Variants in L2HGDH observed in about 807,000 individuals in gnomAD.
The protein encoded by L2HGDH is L-2-hydroxyglutarate dehydrogenase.
Under a neutral mutation model 51.5 loss-of-function variants are expected in L2HGDH, and 34 were observed. That is an observed-to-expected ratio of 0.66 (90% CI 0.50 to 0.88). L2HGDH has a LOEUF of 0.88. L2HGDH is among the 40% of genes least tolerant of loss of function. L2HGDH has a pLI of 0.00. For synonymous variants in L2HGDH, 198 were observed against 197.9 expected (o/e 1.00, Z -0.01); for missense variants, 558 against 571.9 (o/e 0.98, Z 0.25).
In L2HGDH at chr14:50,294,711, A is replaced by G. The variant is rs185270948; in HGVS notation, c.409-465T>C. Among the ~76,000 whole-genome samples the G allele has an allele frequency of 2.0e-5, 3 of 152,360 alleles. No individual in the cohort carries two copies. In the East Asian group the frequency reaches 5.8e-4, roughly 29 times the overall value. On this transcript the variant is annotated intron_variant, in intron 3 of 9. Coordinates refer to ENST00000267436, the MANE Select transcript of L2HGDH (RefSeq NM_024884.3). ...TGAATGTGATGGAACATAACTGACA[A>G]AACAATCCCTTTTATTTTTGGAATA...
chr14:50,296,792 A>C (rs2030085638), intron 3 of L2HGDH, among the ~76,000 whole-genome samples: 1 of 152,278 alleles, frequency 6.6e-6, no homozygotes, highest in South Asian at 2.1e-4. Flanking sequence ...AAGAAAAAAT[A>C]TTTTGCCTTT....
chr14:50,263,500 T>C (rs1889156748), intron 9 of L2HGDH, among the ~76,000 whole-genome samples: 1 of 152,212 alleles, frequency 6.6e-6, no homozygotes, highest in Non-Finnish European at 1.5e-5. Context: ...TATTGCTCTC[T>C]ACACAGATAC....
chr14:50,309,118 CTT>C (rs2030901946), intron 1 of L2HGDH, among the ~76,000 whole-genome samples: 1 of 152,100 alleles, frequency 6.6e-6, no homozygotes, highest in Admixed American at 6.5e-5. Context: ...TTTTCATTCT[CTT>C]AACAGTCTTT....
chr14:50,293,094 C>CA (rs2029868834), intron 4 of L2HGDH: 1 of 615,502 alleles, frequency 1.6e-6, no homozygotes, highest in African/African-American at 1.9e-5. Context: ...GCCTGGGTGA[C>CA]AGAGTAAGAA....
chr14:50,311,369 CCTT>C (rs767893362), intron 1 of L2HGDH: 1 of 456,074 alleles, frequency 2.2e-6, no homozygotes, highest in Non-Finnish European at 4.4e-6. Context: ...ATATGGCCCA[CCTT>C]CTAGTCGTCA....
intron 9 of L2HGDH, among the ~76,000 whole-genome samples, chr14:50,259,689 C>T (rs1207350609): frequency 6.6e-6 from 1 of 151,662 alleles, no homozygotes; most frequent in Admixed American, 6.6e-5. Flanking sequence ...AAAAAATCAG[C>T]CAGCCATGGT....
In L2HGDH at chr14:50,247,066, C is replaced by T. The variant is rs767417868; in HGVS notation, c.1384G>A (p.Glu462Lys). The change falls in exon 10 of 10, where the codon GAA (glutamate) becomes AAA (lysine). Residue 462 changes from glutamate (E) to lysine (K), a missense_variant. Physicochemically the swap from Glu to Lys is moderately conservative, Grantham distance 56 (BLOSUM62 1). This residue lies in a region of L2HGDH where 321 missense variants were observed against 311.8 expected (regional missense o/e 1.03). Transcript: ENST00000267436. The part of the protein sequence containing the change: ...MIADEVQQRF[E>K]L ...CTAGCTCCTTTCATTATTTATAATTCAAATCTTTGTTGTACTTCATCTGCA... is the reference window on the plus strand; with the variant it reads ...CTAGCTCCTTTCATTATTTATAATTTAAATCTTTGTTGTACTTCATCTGCA... 1 of 1,613,164 alleles carries T rather than the reference C, an allele frequency of 6.2e-7. No homozygotes were observed. Among genetic ancestry groups the T allele is most frequent in the Admixed American group, 1.7e-5 (1 of 59,990 alleles).
At chr14:50,248,910 A>G (rs1192775328) in intron 9 of L2HGDH, among the ~76,000 whole-genome samples, 1 of 152,198 alleles carries the variant, frequency 6.6e-6, no homozygotes, top group Non-Finnish European at 1.5e-5. Flanking sequence ...AGGGCAGAAA[A>G]GATGGTCTTG....
chr14:50,302,211 A>G (rs1474688813), intron 2 of L2HGDH, 43 bp from the exon 3 acceptor site: 1 of 1,597,816 alleles, frequency 6.3e-7, no homozygotes, highest in East Asian at 2.2e-5. Context: ...TACATGATTC[A>G]TACAAAACAT....
intron 8 of L2HGDH, among the ~76,000 whole-genome samples, chr14:50,267,145 T>TTATTTA (rs1014729370): frequency 7.0e-6 from 1 of 143,378 alleles, no homozygotes; most frequent in Non-Finnish European, 1.5e-5. Flanking sequence ...TTCTTTTTAT[T>TTATTTA]TTTATTTATT....
chr14:50,243,162 A>G lies in L2HGDH; in HGVS notation c.*3896T>C. On this transcript the variant is annotated 3_prime_UTR_variant, in exon 10 of 10. Transcript: ENST00000267436. ...AACAGTGCTAATGCTGAGAGGATCA[A>G]GGGAAGGACTTTGATATACACATAT... 1 of 985,458 alleles carries G rather than the reference A, an allele frequency of 1.0e-6. No homozygotes were observed. The highest frequency in any genetic ancestry group is 1.2e-6 in the Non-Finnish European group (1 of 829,932). The allele number at this position is 985,458 out of a possible 1,614,324, so 61.0% of individuals were successfully genotyped here.
chr14:50,294,169 C>T lies in L2HGDH; in HGVS notation c.486G>A (p.Pro162=), dbSNP rs201124642. 28 of 1,613,746 alleles carry T rather than the reference C, an allele frequency of 1.7e-5. No individual in the cohort carries two copies. The highest frequency in any genetic ancestry group is 5.0e-5 in the Admixed American group (3 of 59,964). Residue 162 remains proline (P), a synonymous_variant, in exon 4 of 10, where the codon CCG becomes CCA. Coordinates refer to ENST00000267436, the MANE Select transcript of L2HGDH (RefSeq NM_024884.3). ...LYEKGLQNGV[P]GLRLIQQEDI... is the part of the protein sequence containing the mutation. ...CCTCCTGCTGGATCAGCCTCAGGCC[C>T]GGGACACCATTCTGGAGGCCTTTCT...
At chr14:50,295,958 C>T (rs1483965129) in intron 3 of L2HGDH, among the ~76,000 whole-genome samples, 2 of 151,722 alleles carry the variant, frequency 1.3e-5, no homozygotes, top group African/African-American at 2.4e-5. Context: ...AGGCTGGTCT[C>T]GAACTCCTGA....
Position 50,242,788 on chromosome 14 carries a change from C to T in L2HGDH, c.*4270G>A. The T allele has an allele frequency of 1.0e-6, 1 of 985,414 alleles. No individual in the cohort carries two copies. Among genetic ancestry groups the T allele is most frequent in the Non-Finnish European group, 1.2e-6 (1 of 829,924 alleles). The allele number at this position is 985,414 out of a possible 1,614,324, so 61.0% of individuals were successfully genotyped here. On this transcript the variant is annotated 3_prime_UTR_variant, in exon 10 of 10. Coordinates refer to ENST00000267436, the MANE Select transcript of L2HGDH (RefSeq NM_024884.3). ...TACGATTACAACTCAAAAATGTTTA[C>T]AAGATCTTTAGATAATAGTGTATGC...
intron 1 of L2HGDH, among the ~76,000 whole-genome samples, chr14:50,308,817 T>C (rs1433301377): frequency 2.0e-5 from 3 of 152,228 alleles, no homozygotes; most frequent in Admixed American, 1.3e-4. Context: ...TGAATGTTCA[T>C]AGTAGCTTTA....
At chr14:50,249,284 A>C (rs1888196144) in intron 9 of L2HGDH, among the ~76,000 whole-genome samples, 1 of 152,218 alleles carries the variant, frequency 6.6e-6, no homozygotes, top group African/African-American at 2.4e-5. Flanking sequence ...CTGGGCTTAT[A>C]GTCAGTGGAC....
chr14:50,298,911 T>C (rs2030243982), intron 3 of L2HGDH, among the ~76,000 whole-genome samples: 1 of 152,010 alleles, frequency 6.6e-6, no homozygotes, highest in African/African-American at 2.4e-5. Flanking sequence ...AATCTAACAA[T>C]GCATCTTAAA....
chr14:50,243,704 TAA>T lies in L2HGDH; in HGVS notation c.*3352_*3353del, dbSNP rs1422239071. ...ATATATATTGTTTATTATTATACTT[TAA>T]GTTTTAGGGTACATGTGCACAATGT... is the stretch of plus-strand genomic sequence containing the variant. On this transcript the variant is annotated 3_prime_UTR_variant, in exon 10 of 10. Coordinates refer to ENST00000267436, the MANE Select transcript of L2HGDH (RefSeq NM_024884.3). 4.7e-6 allele frequency: 1 copy of T among 214,968 alleles called. No homozygotes were observed. Among genetic ancestry groups the T allele is most frequent in the African/African-American group, 2.3e-5 (1 of 42,726 alleles). The allele number at this position is 214,968 out of a possible 1,614,324, so 13.3% of individuals were successfully genotyped here.
intron 8 of L2HGDH, among the ~76,000 whole-genome samples, chr14:50,267,346 C>G (rs1489572758): frequency 1.3e-5 from 2 of 151,914 alleles, no homozygotes; most frequent in Non-Finnish European, 2.9e-5. Flanking sequence ...CCACGCCTAG[C>G]TAATTTTTTG....
Sources: allele counts gnomAD v4.1 joint callset (sites outside exome capture counted in the v4.1 genomes callset), GRCh38; gene constraint gnomAD v4.1.1; regional missense constraint gnomAD v4.1.1; transcripts MANE v1.5; gene names NCBI Gene and HGNC (gene_info 2026-07-23, HGNC 2026-07-21).